The following SPATA9 variants were observed in gnomAD, a reference collection of about 807,000 sequenced individuals.
The protein encoded by SPATA9 is spermatogenesis-associated protein 9.
In SPATA9, 27 loss-of-function variants were observed where a neutral mutation model predicts 25.5. That is an observed-to-expected ratio of 1.06 (90% CI 0.78 to 1.46). The LOEUF is 1.46. SPATA9 is among the 40% of genes most tolerant of loss of function. The pLI is 0.00. For missense variants in SPATA9, 282 were observed against 297.5 expected (o/e 0.95, Z 0.38); for synonymous variants, 102 against 105.7 (o/e 0.97, Z 0.21).
chr5:95,727,156 G>T, the SPATA9 span, among the ~76,000 whole-genome samples: 1 of 151,980 alleles, frequency 6.6e-6, no homozygotes, highest in Admixed American at 6.6e-5. Flanking sequence ...TTTTTTAAAA[G>T]ACAGCAATAA....
At position 95,658,541 on chromosome 5, in the gene SPATA9, T is replaced by A; in HGVS notation, c.*82A>T. ...TAAGAAAGCAGAGCAATTCAGAATA[T>A]GTAAACTAGACTCTGAGTTTTGTCA... is the stretch of plus-strand genomic sequence containing the variant. On this transcript the variant is annotated 3_prime_UTR_variant, in exon 5 of 5. Coordinates refer to ENST00000274432, the MANE Select transcript of SPATA9 (RefSeq NM_031952.4). The A allele has an allele frequency of 1.4e-6, 2 of 1,467,420 alleles. No homozygotes were observed. Among genetic ancestry groups the A allele is most frequent in the Non-Finnish European group, 1.8e-6 (2 of 1,110,262 alleles). 90.9% of individuals were successfully genotyped at this position (1,467,420 alleles called of 1,614,324 possible). A position where few individuals can be genotyped will look rare whatever the true frequency, so the allele number is the denominator to read the frequency against.
chr5:95,663,039 T>C (rs1751416670), intron 4 of SPATA9, among the ~76,000 whole-genome samples: 1 of 152,224 alleles, frequency 6.6e-6, no homozygotes, highest in Non-Finnish European at 1.5e-5. Flanking sequence ...GCATACCTTA[T>C]GGCCTAGCAG....
At chr5:95,664,159 T>TGA in intron 3 of SPATA9, 111 bp from the exon 4 acceptor site, 3 of 543,452 alleles carry the variant, frequency 5.5e-6, no homozygotes, top group Non-Finnish European at 9.1e-6. Flanking sequence ...AAGAAAGTCA[T>TGA]CTACTTTAGA....
chr5:95,729,484 A>T, the SPATA9 span, among the ~76,000 whole-genome samples: 1 of 152,188 alleles, frequency 6.6e-6, no homozygotes, highest in Admixed American at 6.5e-5. Flanking sequence ...ATTGTCATAA[A>T]ATATAACAAT....
At chr5:95,684,528 T>G (rs185832346), upstream of SPATA9, 24 of 152,400 alleles carry the variant, frequency 1.6e-4, no homozygotes, top group East Asian at 4.6e-3. Flanking sequence ...TAATGTTTAC[T>G]GCACTTAAAG....
At chr5:95,663,035 C>T (rs1447112938) in intron 4 of SPATA9, among the ~76,000 whole-genome samples, 2 of 152,112 alleles carry the variant, frequency 1.3e-5, no homozygotes, top group Admixed American at 6.5e-5. Flanking sequence ...ACATGCATAC[C>T]TTATGGCCTA....
the SPATA9 span, among the ~76,000 whole-genome samples, chr5:95,705,431 C>A: frequency 2.0e-5 from 3 of 152,160 alleles, no homozygotes; most frequent in Non-Finnish European, 4.4e-5. Flanking sequence ...TTCCATGTTA[C>A]TAGCATGTCA....
the SPATA9 span, chr5:95,731,661 C>A: frequency 6.2e-7 from 1 of 1,613,252 alleles, no homozygotes; most frequent in Non-Finnish European, 8.5e-7. Flanking sequence ...CGAGTCGCCG[C>A]CCTGCCCTTG....
chr5:95,655,420 A>G (rs1750686864), downstream of SPATA9: 1 of 152,256 alleles, frequency 6.6e-6, no homozygotes, highest in South Asian at 2.1e-4. Context: ...ACTGTTGTCC[A>G]TAGACCAGCA....
chr5:95,713,729 T>C, the SPATA9 span: 1 of 152,232 alleles, frequency 6.6e-6, no homozygotes, highest in Non-Finnish European at 1.5e-5. Context: ...AAGTTGTTTC[T>C]CTCCCTTCTC....
chr5:95,666,979 A>G (rs900221076), intron 3 of SPATA9, among the ~76,000 whole-genome samples: 1 of 152,208 alleles, frequency 6.6e-6, no homozygotes, highest in African/African-American at 2.4e-5. Context: ...TAACATTTGT[A>G]GAACACTCAT....
At chr5:95,683,038 C>T (rs2112691887), upstream of SPATA9, 1 of 1,252,824 alleles carries the variant, frequency 8.0e-7, no homozygotes, top group East Asian at 3.1e-5. Flanking sequence ...GAACCTGCTA[C>T]AGAATCTTCT....
the SPATA9 span, among the ~76,000 whole-genome samples, chr5:95,725,166 G>T: frequency 2.0e-5 from 3 of 152,096 alleles, no homozygotes; most frequent in Non-Finnish European, 2.9e-5. Flanking sequence ...ATCTACAATG[G>T]GATGGATAAA....
At chr5:95,676,845 C>G (rs1464695961) in intron 2 of SPATA9, among the ~76,000 whole-genome samples, 3 of 152,186 alleles carry the variant, frequency 2.0e-5, no homozygotes, top group East Asian at 1.9e-4. Context: ...TCCAGTTGCT[C>G]TCAGTGTAAA....
chr5:95,718,143 A>G, the SPATA9 span, among the ~76,000 whole-genome samples: 2 of 152,346 alleles, frequency 1.3e-5, no homozygotes, highest in African/African-American at 2.4e-5. Context: ...AACCTGAACT[A>G]AAAGATACTT....
At chr5:95,659,633 C>T (rs987900812) in intron 4 of SPATA9, 2 of 152,080 alleles carry the variant, frequency 1.3e-5, no homozygotes, top group Non-Finnish European at 2.9e-5. Context: ...AGAAATGCCT[C>T]AAGGTAATAT....
the SPATA9 span, among the ~76,000 whole-genome samples, chr5:95,712,249 C>T: frequency 2.6e-5 from 4 of 152,156 alleles, no homozygotes; most frequent in African/African-American, 4.8e-5. Context: ...TGTCAGATTA[C>T]GTTTTCCAAA....
upstream of SPATA9, among the ~76,000 whole-genome samples, chr5:95,702,866 G>T (rs933390811): frequency 6.6e-6 from 1 of 152,178 alleles, no homozygotes; most frequent in Non-Finnish European, 1.5e-5. Context: ...GGGTGATAGA[G>T]CAAGACTCTG....
upstream of SPATA9, among the ~76,000 whole-genome samples, chr5:95,687,198 A>G (rs1753770816): frequency 6.6e-6 from 1 of 152,218 alleles, no homozygotes; most frequent in Admixed American, 6.5e-5. Flanking sequence ...GGAATTCCCA[A>G]AAATACTTAG....
Sources: allele counts gnomAD v4.1 joint callset (sites outside exome capture counted in the v4.1 genomes callset), GRCh38; gene constraint gnomAD v4.1.1; transcripts MANE v1.5; gene names NCBI Gene and HGNC (gene_info 2026-07-23, HGNC 2026-07-21).